Variants in KSR2 observed in about 807,000 individuals in gnomAD.
KSR2 encodes kinase suppressor of ras 2.
In KSR2, 25 loss-of-function variants were observed where a neutral mutation model predicts 107.8. The ratio of observed to expected loss-of-function variants is 0.23; its 90% CI spans 0.17 to 0.32. The LOEUF is 0.32. Ranked by LOEUF, KSR2 falls within the 10% of genes least tolerant of loss-of-function variation. The pLI, the probability that KSR2 is intolerant of heterozygous loss-of-function variation, is 1.00. For synonymous variants in KSR2, 480 were observed against 507.0 expected, an observed-to-expected ratio of 0.95 and a Z score of 0.71; for missense variants, 887 against 1,268.9, an observed-to-expected ratio of 0.70 and a Z score of 4.57.
chr12:117,823,070 T>C lies in KSR2; in HGVS notation c.472+32358A>G, dbSNP rs544933884. Among the ~76,000 whole-genome samples the C allele has an allele frequency of 3.9e-4, 59 of 150,776 alleles. No homozygotes were observed. In the South Asian group the frequency reaches 0.012, roughly 31 times the overall value. On this transcript the variant is annotated intron_variant, in intron 3 of 19. Coordinates refer to ENST00000339824, the MANE Select transcript of KSR2 (RefSeq NM_173598.6). ...AGAAAAGAATGTTCCAGACAGAGGC[T>C]ACAATATATGCAAAGGTCCTGAAGT... is the stretch of plus-strand genomic sequence containing the variant.
Position 117,463,822 on chromosome 12 carries a change from G to A in KSR2, c.*3377C>T, listed in dbSNP as rs545833223. On this transcript the variant is annotated 3_prime_UTR_variant, in exon 20 of 20. Transcript: ENST00000339824. ...GATAAGGCTGGTTTCGTGTGTTTGT[G>A]GGGAGGGGCATGATGTGTGTATATG... is the stretch of plus-strand genomic sequence containing the variant. The A allele has an allele frequency of 4.6e-5, 7 of 152,388 alleles. No individual in the cohort carries two copies. Among genetic ancestry groups the A allele is most frequent in the African/African-American group, 1.7e-4 (7 of 41,502 alleles). 9.4% of individuals were successfully genotyped at this position (152,388 alleles called of 1,614,324 possible).
At chr12:117,692,069 G>A (rs1428590724) in intron 4 of KSR2, among the ~76,000 whole-genome samples, 5 of 152,118 alleles carry the variant, frequency 3.3e-5, no homozygotes, top group Non-Finnish European at 7.3e-5. Flanking sequence ...AGGCTTAAGG[G>A]AAGGGGAGGT....
At chr12:117,821,975 TA>T (rs1300976862) in intron 3 of KSR2, among the ~76,000 whole-genome samples, 12 of 152,260 alleles carry the variant, frequency 7.9e-5, no homozygotes, top group African/African-American at 2.6e-4. Context: ...ATACGGCTCA[TA>T]AAGATCTTCC....
intron 5 of KSR2, among the ~76,000 whole-genome samples, chr12:117,604,996 A>T (rs1565922138): frequency 6.6e-6 from 1 of 152,238 alleles, no homozygotes; most frequent in Non-Finnish European, 1.5e-5. Flanking sequence ...TTCAGGGGAA[A>T]AATGAATTAC....
rs1875223770 is a variant in KSR2 at position 117,527,091 on chromosome 12, C to T, written c.1831G>A (p.Glu611Lys). ...ILEGNPLLQIEVEPTSENEEV... is the reference protein window; with the variant it reads ...ILEGNPLLQIKVEPTSENEEV... ...CTCACCTCCGACGTTGGCTCCACTTCAATTTGAAGTAATGGATTTCCTTCC... is the reference window on the plus strand; with the variant it reads ...CTCACCTCCGACGTTGGCTCCACTTTAATTTGAAGTAATGGATTTCCTTCC... Residue 611 changes from glutamate to lysine, a missense_variant, in exon 13 of 20, where the codon GAA becomes AAA. Glu to Lys is a moderately conservative substitution (Grantham distance 56). Coordinates refer to ENST00000339824, the MANE Select transcript of KSR2 (RefSeq NM_173598.6). 6.2e-7 allele frequency: 1 copy of T among 1,613,552 alleles called. No homozygotes were observed. The highest frequency in any genetic ancestry group is 1.7e-5 in the Admixed American group (1 of 59,994).
At chr12:117,890,750 A>C (rs2304293) in intron 1 of KSR2, 25,720 of 152,134 alleles carry the variant, frequency 0.17, 2,414 homozygotes, top group East Asian at 0.35. Flanking sequence ...ACTTAGATGC[A>C]CCGTGGGACA....
At chr12:117,712,446 C>G (rs1886821220) in intron 4 of KSR2, among the ~76,000 whole-genome samples, 1 of 152,184 alleles carries the variant, frequency 6.6e-6, no homozygotes, top group Non-Finnish European at 1.5e-5. Context: ...AGAAACACCA[C>G]TAGCCGGAGT....
At chr12:117,578,154 A>G (rs1879401730) in intron 7 of KSR2, among the ~76,000 whole-genome samples, 1 of 152,190 alleles carries the variant, frequency 6.6e-6, no homozygotes, top group Admixed American at 6.5e-5. Flanking sequence ...GGTGAGCAGA[A>G]AAGGAGTTAG....
chr12:117,928,867 G>GGCAGGTAATTTGC (rs71450235), intron 1 of KSR2, among the ~76,000 whole-genome samples: 51,217 of 151,980 alleles, frequency 0.34, 8,906 homozygotes, highest in Middle Eastern at 0.47. Flanking sequence ...CCAGAGATTG[G>GGCAGGTAATTTGC]CTACGACATC....
At chr12:117,855,370 A>C in intron 3 of KSR2, 58 bp downstream of exon 3, 8 of 1,585,176 alleles carry the variant, frequency 5.0e-6, no homozygotes, top group Non-Finnish European at 6.9e-6. Flanking sequence ...ATGCCGAGGG[A>C]CCGCGGCAGC....
chr12:117,670,174 G>A (rs1884844029), intron 4 of KSR2, among the ~76,000 whole-genome samples: 1 of 152,130 alleles, frequency 6.6e-6, no homozygotes, highest in Admixed American at 6.5e-5. Context: ...GAAATTATAA[G>A]CATAAAACAT....
chr12:117,939,479 G>A (rs533834902), intron 1 of KSR2, among the ~76,000 whole-genome samples: 26 of 152,262 alleles, frequency 1.7e-4, no homozygotes, highest in Non-Finnish European at 2.6e-4. Flanking sequence ...TTGGGAGGCC[G>A]AGGCGGGTGG....
At chr12:117,606,983 G>A (rs992818252) in intron 5 of KSR2, among the ~76,000 whole-genome samples, 2 of 152,168 alleles carry the variant, frequency 1.3e-5, no homozygotes, top group African/African-American at 2.4e-5. Context: ...GCTTGCCATC[G>A]CAGACTTCTG....
At chr12:117,671,976 T>TTC (rs1884925649) in intron 4 of KSR2, among the ~76,000 whole-genome samples, 2 of 152,224 alleles carry the variant, frequency 1.3e-5, no homozygotes, top group Non-Finnish European at 1.5e-5. Flanking sequence ...GGCCTGCTGC[T>TTC]CGCTGGCTTG....
Position 117,772,183 on chromosome 12 carries a change from TC to T in KSR2, c.473-10660del, listed in dbSNP as rs543886375. Among the ~76,000 whole-genome samples the T allele has an allele frequency of 2.3e-3, 222 of 94,502 alleles. 1 individual carries two copies. The highest frequency in any genetic ancestry group is 2.2e-3 in the Non-Finnish European group (111 of 49,404). 62.0% of individuals were successfully genotyped at this position (94,502 alleles called of 152,430 possible). ...AGACGCACATACACATACACACCAT[TC>T]CCCCAAAGACGCACAAACACACACT... On this transcript the variant is annotated intron_variant, in intron 3 of 19. Transcript: ENST00000339824.
At chr12:117,871,077 C>T (rs947337317) in intron 1 of KSR2, among the ~76,000 whole-genome samples, 6 of 152,156 alleles carry the variant, frequency 3.9e-5, no homozygotes, top group African/African-American at 1.2e-4. Flanking sequence ...GGATATGCTT[C>T]GAGCCAAATG....
At chr12:117,709,793 C>G (rs984778422) in intron 4 of KSR2, among the ~76,000 whole-genome samples, 7 of 152,226 alleles carry the variant, frequency 4.6e-5, no homozygotes, top group African/African-American at 1.7e-4. Context: ...GGATGTTAGG[C>G]AGCATCCCTG....
intron 1 of KSR2, among the ~76,000 whole-genome samples, chr12:117,933,598 A>T (rs1157874586): frequency 6.6e-6 from 1 of 152,116 alleles, no homozygotes; most frequent in Non-Finnish European, 1.5e-5. Flanking sequence ...TCTCAAAAAA[A>T]AAAATAAAGT....
chr12:117,858,146 C>T (rs1421278804), intron 2 of KSR2, among the ~76,000 whole-genome samples: 1 of 152,160 alleles, frequency 6.6e-6, no homozygotes, highest in African/African-American at 2.4e-5. Context: ...AATGTCCTGA[C>T]ATCATATTAA....
Sources: gnomAD v4.1 joint callset for allele counts (sites outside exome capture counted in the v4.1 genomes callset) on GRCh38, gnomAD v4.1.1 for gene constraint, MANE v1.5 for transcripts, NCBI Gene and HGNC (gene_info 2026-07-23, HGNC 2026-07-21) for gene names.